CORO2B: variants seen among roughly 807,000 people sequenced by gnomAD.
CORO2B encodes the protein coronin 2B.
Under a neutral mutation model 58.8 loss-of-function variants are expected in CORO2B, and 26 were observed. That is an observed-to-expected ratio of 0.44 (90% CI 0.32 to 0.61). The LOEUF is 0.61. CORO2B is among the 20% of genes least tolerant of loss of function. The probability of loss-of-function intolerance (pLI) is 0.04; values close to 1 mark genes in which losing one functional copy is unlikely to be tolerated. For synonymous variants in CORO2B, 242 were observed against 253.8 expected, an observed-to-expected ratio of 0.95 and a Z score of 0.44; for missense variants, 460 against 645.1, an observed-to-expected ratio of 0.71 and a Z score of 3.11.
chr15:68,656,144 A>G (rs1238555131), intron 2 of CORO2B, among the ~76,000 whole-genome samples: 1 of 102,814 alleles, frequency 9.7e-6, no homozygotes, highest in Admixed American at 1.0e-4. Context: ...ACTGCTGCCC[A>G]CCCCTCCCCC....
At position 68,579,400 on chromosome 15, in the gene CORO2B, G is replaced by T. The variant is rs912442788; in HGVS notation, c.15+123G>T. On this transcript the variant is annotated intron_variant, in intron 1 of 11. Transcript: ENST00000261861. ...CGCCGGTGCCGGGAAGGTGCGGCGC[G>T]CGCCTCTCTTGCTGCCGGATCCGCT... is the stretch of plus-strand genomic sequence containing the variant. 6 of 991,586 alleles carry T rather than the reference G, an allele frequency of 6.1e-6. No individual in the cohort carries two copies. The Admixed American group carries it at 1.5e-4, about 25-fold the overall frequency. 61.4% of individuals were successfully genotyped at this position (991,586 alleles called of 1,614,324 possible).
intron 2 of CORO2B, among the ~76,000 whole-genome samples, chr15:68,666,228 G>T: frequency 6.6e-6 from 1 of 152,184 alleles, no homozygotes; most frequent in Admixed American, 6.5e-5. Context: ...ATTCTGGGTA[G>T]CGGACATAAA....
At chr15:68,691,848 G>A (rs67795069) in intron 2 of CORO2B, among the ~76,000 whole-genome samples, 26,456 of 151,940 alleles carry the variant, frequency 0.17, 2,807 homozygotes, top group East Asian at 0.45. Context: ...AGAAGCTCCT[G>A]TTATCTGATG....
chr15:68,665,051 G>GCT (rs1902150073), intron 2 of CORO2B, among the ~76,000 whole-genome samples: 1 of 152,122 alleles, frequency 6.6e-6, no homozygotes, highest in South Asian at 2.1e-4. Context: ...AGTTAGAAAG[G>GCT]CTTTCTCTGA....
intron 1 of CORO2B, among the ~76,000 whole-genome samples, chr15:68,613,367 C>T (rs992549484): frequency 1.3e-5 from 2 of 152,296 alleles, no homozygotes; most frequent in South Asian, 2.1e-4. Flanking sequence ...ATGGTAGAAG[C>T]GGCATATTAA....
chr15:68,696,888 G>A (rs1892525261), intron 3 of CORO2B, among the ~76,000 whole-genome samples: 1 of 152,198 alleles, frequency 6.6e-6, no homozygotes. Context: ...GCATCTACCT[G>A]GTGCTCACTG....
the CORO2B span, among the ~76,000 whole-genome samples, chr15:68,545,605 CGGG>C: frequency 1.5e-5 from 1 of 68,874 alleles, no homozygotes; most frequent in East Asian, 4.6e-4. Context: ...AACAGGAATG[CGGG>C]GGGCGGGGGG....
chr15:68,689,091 A>G (rs1892293635), intron 2 of CORO2B, among the ~76,000 whole-genome samples: 1 of 140,444 alleles, frequency 7.1e-6, no homozygotes, highest in African/African-American at 2.6e-5. Context: ...GCTGCGATTC[A>G]ACATTTGACA....
chr15:68,597,524 C>G (rs947805915), intron 1 of CORO2B, among the ~76,000 whole-genome samples: 1 of 151,994 alleles, frequency 6.6e-6, no homozygotes, highest in Admixed American at 6.5e-5. Context: ...ATTGCATCCC[C>G]ATTGTGCCCC....
chr15:68,575,315 G>A (rs542214313), upstream of CORO2B, among the ~76,000 whole-genome samples: 1 of 151,990 alleles, frequency 6.6e-6, no homozygotes, highest in East Asian at 1.9e-4. Context: ...GATGCCTCCT[G>A]CAGTGACCCT....
chr15:68,691,221 C>A (rs1421579028), intron 2 of CORO2B, among the ~76,000 whole-genome samples: 1 of 148,976 alleles, frequency 6.7e-6, no homozygotes, highest in Non-Finnish European at 1.5e-5. Flanking sequence ...CTCAGCTACT[C>A]GGGAGGCTGA....
In CORO2B at chr15:68,608,201, T is replaced by C. The variant is rs1355123063; in HGVS notation, c.15+28924T>C. On this transcript the variant is annotated intron_variant, in intron 1 of 11. Coordinates refer to ENST00000261861, the MANE Select transcript of CORO2B (RefSeq NM_006091.5). ...ACATGGGGGGCCTGAGCACGGCCAC[T>C]GCAGGCCCACAGGCATCCTTTGTGA... 2.0e-5 allele frequency among the ~76,000 whole-genome samples: 3 copies of C among 152,264 alleles called. No individual in the cohort carries two copies. In the South Asian group the frequency reaches 6.2e-4, roughly 32 times the overall value.
intron 11 of CORO2B, among the ~76,000 whole-genome samples, chr15:68,723,855 G>A (rs1025999748): frequency 1.3e-5 from 2 of 152,128 alleles, no homozygotes; most frequent in African/African-American, 2.4e-5. Flanking sequence ...TGGGAAGATC[G>A]CTTGAGCCCA....
chr15:68,539,166 T>C, the CORO2B span, among the ~76,000 whole-genome samples: 2 of 152,296 alleles, frequency 1.3e-5, no homozygotes, highest in East Asian at 3.9e-4. Flanking sequence ...AGCCACAAGC[T>C]GCAGGAGCCT....
At chr15:68,546,644 A>G in the CORO2B span, among the ~76,000 whole-genome samples, 7 of 152,170 alleles carry the variant, frequency 4.6e-5, no homozygotes, top group African/African-American at 1.4e-4. Flanking sequence ...TCTGCCTCTG[A>G]CCAGATGCTC....
the CORO2B span, among the ~76,000 whole-genome samples, chr15:68,520,884 G>GA: frequency 6.5e-4 from 99 of 151,926 alleles, no homozygotes; most frequent in African/African-American, 2.3e-3. Context: ...CATCTCCACT[G>GA]AAAAAAATAC....
intron 2 of CORO2B, among the ~76,000 whole-genome samples, chr15:68,680,738 G>C (rs1005749776): frequency 3.3e-5 from 5 of 152,224 alleles, no homozygotes; most frequent in African/African-American, 9.6e-5. Flanking sequence ...CGCTGTGTTA[G>C]TTAATCTCAC....
At chr15:68,650,683 C>T (rs1901614092) in intron 2 of CORO2B, among the ~76,000 whole-genome samples, 1 of 152,204 alleles carries the variant, frequency 6.6e-6, no homozygotes, top group Non-Finnish European at 1.5e-5. Flanking sequence ...AAAGTTGTTA[C>T]CTCCCAAGTA....
intron 2 of CORO2B, among the ~76,000 whole-genome samples, chr15:68,654,541 T>G (rs140466788): frequency 6.6e-6 from 1 of 152,352 alleles, no homozygotes; most frequent in East Asian, 1.9e-4. Flanking sequence ...CCCATTTTCC[T>G]TCTAGGGCCT....
Sources: allele counts gnomAD v4.1 joint callset (sites outside exome capture counted in the v4.1 genomes callset), GRCh38; gene constraint gnomAD v4.1.1; transcripts MANE v1.5; gene names NCBI Gene and HGNC (gene_info 2026-07-23, HGNC 2026-07-21).